The following F8 variants were observed in gnomAD, a reference collection of about 807,000 sequenced individuals.
The protein encoded by F8 is coagulation factor VIII.
F8 carries 12 observed loss-of-function variants against 140.6 expected under a neutral mutation model. That is an observed-to-expected ratio of 0.09 (90% CI 0.05 to 0.14). The LOEUF (loss-of-function observed/expected upper bound fraction) is 0.14, where lower values mean the gene tolerates loss of function less well. Ranked by LOEUF, F8 falls within the 10% of genes least tolerant of loss-of-function variation. F8 has a pLI of 1.00. For missense variants in F8, 1,354 were observed against 1,720.7 expected (o/e 0.79, Z 3.77); for synonymous variants, 585 against 614.6 (o/e 0.95, Z 0.71).
chrX:154,929,630 G>T lies in F8; in HGVS notation c.4160C>A (p.Ser1387Tyr), dbSNP rs913744442. The stretch of plus-strand genomic sequence containing the variant: ...CCTCGTAAGGCAATCTGATAAGGGA[G>T]ACTGAGTAATGGCCCCTTTCTCCTT... ...NEKEKGAITQ[S>Y]PLSDCLTRSH... Residue 1387 changes from serine (S) to tyrosine (Y), a missense_variant, in exon 14 of 26, where the codon TCT becomes TAT. Coordinates refer to ENST00000360256, the MANE Select transcript of F8 (RefSeq NM_000132.4). 4.1e-6 allele frequency: 5 copies of T among 1,208,815 alleles called. No homozygotes were observed. The highest frequency in any genetic ancestry group is 5.6e-6 in the Non-Finnish European group (5 of 894,311).
At chrX:154,911,624 G>T (rs1041452557) in intron 14 of F8, among the ~76,000 whole-genome samples, 3 of 111,738 alleles carry the variant, frequency 2.7e-5, no homozygotes, top group Non-Finnish European at 5.7e-5. Flanking sequence ...TACTTAGGTT[G>T]ATTTTATATC....
chrX:155,013,668 A>C (rs1242707740), intron 1 of F8, among the ~76,000 whole-genome samples: 3 of 111,865 alleles, frequency 2.7e-5, no homozygotes, highest in Non-Finnish European at 3.8e-5. Context: ...CCTTAACAAA[A>C]CAGTTTTAGT....
At chrX:154,895,337 C>A (rs1557275523) in intron 22 of F8, among the ~76,000 whole-genome samples, 1 of 112,125 alleles carries the variant, frequency 8.9e-6, no homozygotes, top group African/African-American at 3.2e-5. Context: ...AGACTTTGAA[C>A]TTTATTCTAA....
chrX:154,907,680 T>C (rs1315006682), intron 14 of F8, among the ~76,000 whole-genome samples: 5 of 112,115 alleles, frequency 4.5e-5, no homozygotes, highest in Non-Finnish European at 7.5e-5. Context: ...ATGTCCTCTT[T>C]TGTGGAGCAC....
chrX:154,859,304 CTT>C (rs782710528), intron 25 of F8, among the ~76,000 whole-genome samples: 11 of 95,526 alleles, frequency 1.2e-4, no homozygotes, highest in Non-Finnish European at 8.5e-5. Context: ...AGCGTATTTT[CTT>C]TTTTTTTTTT....
chrX:154,993,291 C>T (rs1557284835), intron 3 of F8, 143 bp from the exon 4 acceptor site: 8 of 532,531 alleles, frequency 1.5e-5, no homozygotes, highest in Middle Eastern at 5.7e-4. Context: ...TGTTTTGAGA[C>T]GGAGTCTCAC....
At chrX:154,932,234 C>T (rs1455429524) in intron 13 of F8, among the ~76,000 whole-genome samples, 2 of 111,997 alleles carry the variant, frequency 1.8e-5, no homozygotes, top group Non-Finnish European at 3.8e-5. Context: ...TAACACAATA[C>T]CTAGCATCCA....
intron 22 of F8, among the ~76,000 whole-genome samples, chrX:154,875,538 T>C (rs1046104884): frequency 8.9e-6 from 1 of 112,001 alleles, no homozygotes; most frequent in African/African-American, 3.2e-5. Context: ...TAAATAAAGA[T>C]TTTTTAAAAG....
At chrX:154,934,658 GA>G (rs2073214423) in intron 13 of F8, among the ~76,000 whole-genome samples, 1 of 111,538 alleles carries the variant, frequency 9.0e-6, no homozygotes, top group Admixed American at 9.6e-5. Flanking sequence ...CTTTGATCTT[GA>G]TGGGCTGGAG....
At chrX:154,847,657 A>G (rs2072579252) in intron 25 of F8, among the ~76,000 whole-genome samples, 1 of 110,961 alleles carries the variant, frequency 9.0e-6, no homozygotes, top group African/African-American at 3.3e-5. Context: ...GGACTTCTCT[A>G]TACTGGTTAT....
chrX:154,928,832 C>A lies in F8; in HGVS notation c.4958G>T (p.Arg1653Met), dbSNP rs782477672. Residue 1653 changes from arginine (R) to methionine (M), a missense_variant, in exon 14 of 26, where the codon AGG (arginine) becomes ATG (methionine). Physicochemically the swap from Arg to Met is moderately conservative, Grantham distance 91. This residue lies in a region of F8 where 658 missense variants were observed against 666.5 expected (regional missense o/e 0.99). Transcript: ENST00000360256. The stretch of plus-strand genomic sequence containing the variant: ...GACTGGTGGGTTTTGAGAGCACAGC[C>A]TTTCAGTCCTACCTTGCTTTGCCCA... ...VTWAKQGRTE[R>M]LCSQNPPVLK... 6.6e-6 allele frequency: 8 copies of A among 1,211,970 alleles called. No homozygotes were observed. The highest frequency in any genetic ancestry group is 7.8e-6 in the Non-Finnish European group (7 of 895,574).
chrX:154,897,002 T>G (rs1419335970), intron 21 of F8, among the ~76,000 whole-genome samples: 1 of 112,234 alleles, frequency 8.9e-6, no homozygotes, highest in Middle Eastern at 4.6e-3. Flanking sequence ...AGTTAATACA[T>G]GTAATGTGCT....
At chrX:154,855,083 G>C (rs2072642185) in intron 25 of F8, among the ~76,000 whole-genome samples, 1 of 111,775 alleles carries the variant, frequency 8.9e-6, no homozygotes. Context: ...TCATGCCACT[G>C]CACTCCGGCC....
chrX:155,019,843 G>A (rs2073751470), intron 1 of F8, among the ~76,000 whole-genome samples: 2 of 110,814 alleles, frequency 1.8e-5, no homozygotes, highest in South Asian at 7.6e-4. Flanking sequence ...TCTCTATTTG[G>A]TACTAAGCAC....
In F8 at chrX:154,904,907, T is replaced by C. The variant is rs782663322; in HGVS notation, c.5490A>G (p.Glu1830=). The part of the protein sequence containing the change: ...EPRKNFVKPN[E]TKTYFWKVQH... ...GCACTTTCCAAAAGTAAGTTTTGGT[T>C]TCATTAGGCTTGACAAAGTTTTTTC... is the stretch of plus-strand genomic sequence containing the variant. Residue 1830 remains glutamate, a synonymous_variant, in exon 16 of 26, where the codon GAA becomes GAG. Coordinates refer to ENST00000360256, the MANE Select transcript of F8 (RefSeq NM_000132.4). 61 of 1,208,203 alleles carry C rather than the reference T, an allele frequency of 5.0e-5. 2 individuals carry two copies. The Admixed American group carries it at 1.1e-3, about 23-fold the overall frequency.
At chrX:154,954,064 A>C in intron 11 of F8, 22 bp from the exon 12 acceptor site, 1 of 1,204,511 alleles carries the variant, frequency 8.3e-7, no homozygotes, top group East Asian at 3.0e-5. Context: ...ATATATTGAA[A>C]GGGGTAAAGA....
intron 12 of F8, among the ~76,000 whole-genome samples, chrX:154,950,971 G>A (rs1356289999): frequency 1.8e-5 from 2 of 111,995 alleles, no homozygotes; most frequent in African/African-American, 6.5e-5. Context: ...CTTCTTGTAC[G>A]TGGATATTTA....
intron 24 of F8, among the ~76,000 whole-genome samples, chrX:154,861,047 T>TTCTC (rs782711069): frequency 7.5e-5 from 8 of 106,685 alleles, no homozygotes; most frequent in African/African-American, 2.4e-4. Context: ...TTTCCTTTCT[T>TTCTC]TCTCTCTCTC....
chrX:155,000,466 C>A (rs1263955673), intron 1 of F8, among the ~76,000 whole-genome samples: 1 of 112,322 alleles, frequency 8.9e-6, no homozygotes, highest in East Asian at 2.8e-4. Context: ...GACTTTTATG[C>A]TTCTGGACAT....
Sources: allele counts gnomAD v4.1 joint callset (sites outside exome capture counted in the v4.1 genomes callset), GRCh38; gene constraint gnomAD v4.1.1; regional missense constraint gnomAD v4.1.1; transcripts MANE v1.5; gene names NCBI Gene and HGNC (gene_info 2026-07-23, HGNC 2026-07-21).